STPG4: variants seen among roughly 807,000 people sequenced by gnomAD.
STPG4 encodes the protein sperm-tail PG-rich repeat containing 4.
Under a neutral mutation model 31.5 loss-of-function variants are expected in STPG4, and 41 were observed. That is an observed-to-expected ratio of 1.30 (90% CI 1.01 to 1.69). The LOEUF (loss-of-function observed/expected upper bound fraction) is 1.69. Among genes scored for constraint, STPG4 ranks in the 40% most tolerant of loss-of-function variants. STPG4 has a pLI of 0.00. For synonymous variants in STPG4, 141 were observed against 103.0 expected, an observed-to-expected ratio of 1.37 and a Z score of -2.24; for missense variants, 375 against 293.4, an observed-to-expected ratio of 1.28 and a Z score of -2.03.
At chr2:47,117,200 C>T (rs184849412) in intron 5 of STPG4, among the ~76,000 whole-genome samples, 98 of 152,152 alleles carry the variant, frequency 6.4e-4, no homozygotes, top group African/African-American at 1.7e-3. Context: ...AAAGAAGATG[C>T]ATGTGGTTTT....
At chr2:47,143,336 G>C (rs1355667379) in intron 3 of STPG4, among the ~76,000 whole-genome samples, 1 of 152,170 alleles carries the variant, frequency 6.6e-6, no homozygotes, top group Non-Finnish European at 1.5e-5. Flanking sequence ...GGGTATCAAT[G>C]TACAGTACTT....
chr2:47,118,832 G>A (rs1204711954), intron 5 of STPG4, among the ~76,000 whole-genome samples: 1 of 152,146 alleles, frequency 6.6e-6, no homozygotes, highest in Non-Finnish European at 1.5e-5. Context: ...GACACTAAAC[G>A]GGTGGTAGTC....
At chr2:47,149,701 T>C (rs1686899400) in intron 3 of STPG4, among the ~76,000 whole-genome samples, 1 of 152,234 alleles carries the variant, frequency 6.6e-6, no homozygotes, top group African/African-American at 2.4e-5. Context: ...TCTCAGGTTA[T>C]CACAATAATA....
At chr2:47,135,398 T>C (rs369842051) in intron 3 of STPG4, among the ~76,000 whole-genome samples, 1 of 152,280 alleles carries the variant, frequency 6.6e-6, no homozygotes, top group East Asian at 1.9e-4. Flanking sequence ...TTTTTATTTT[T>C]ATTTTGGAGG....
chr2:47,146,413 T>C (rs113466410), intron 3 of STPG4, among the ~76,000 whole-genome samples: 12 of 151,810 alleles, frequency 7.9e-5, no homozygotes, highest in African/African-American at 2.9e-4. Context: ...AAAACCAGGA[T>C]TAGACATACA....
intron 3 of STPG4, among the ~76,000 whole-genome samples, chr2:47,137,478 T>C (rs1686619191): frequency 6.6e-6 from 1 of 152,212 alleles, no homozygotes. Flanking sequence ...GGTATTATGA[T>C]GACACTGGCC....
intron 6 of STPG4, among the ~76,000 whole-genome samples, chr2:47,087,944 G>A (rs1273496634): frequency 1.3e-5 from 2 of 151,528 alleles, no homozygotes; most frequent in African/African-American, 2.4e-5. Context: ...TAGTAGAGAT[G>A]GGGTTTCACC....
intron 5 of STPG4, among the ~76,000 whole-genome samples, chr2:47,096,254 G>A (rs998765691): frequency 1.3e-5 from 2 of 152,118 alleles, no homozygotes; most frequent in Non-Finnish European, 2.9e-5. Flanking sequence ...GGATGTATAG[G>A]ATGCTATGGA....
intron 3 of STPG4, among the ~76,000 whole-genome samples, chr2:47,135,472 C>T (rs1471480507): frequency 2.0e-5 from 3 of 152,078 alleles, no homozygotes; most frequent in Non-Finnish European, 2.9e-5. Flanking sequence ...CTGCAACCTG[C>T]ACCTCCCAGG....
intron 5 of STPG4, among the ~76,000 whole-genome samples, chr2:47,093,344 G>A (rs72808551): frequency 0.096 from 14,660 of 152,196 alleles, 862 homozygotes; most frequent in Non-Finnish European, 0.12. Context: ...CTCTCTGTGT[G>A]GTGTGAATTC....
At chr2:47,100,820 T>G (rs147606072) in intron 5 of STPG4, among the ~76,000 whole-genome samples, 8,277 of 151,338 alleles carry the variant, frequency 0.055, 405 homozygotes, top group African/African-American at 0.11. Context: ...GAGCCAGTGA[T>G]ACCACGAACC....
At chr2:47,116,644 C>G (rs1232053355) in intron 5 of STPG4, among the ~76,000 whole-genome samples, 1 of 152,186 alleles carries the variant, frequency 6.6e-6, no homozygotes, top group Non-Finnish European at 1.5e-5. Flanking sequence ...CCTTTTCTTT[C>G]TCTCAGATAC....
At chr2:47,121,797 G>C (rs927754293) in intron 5 of STPG4, among the ~76,000 whole-genome samples, 6 of 151,652 alleles carry the variant, frequency 4.0e-5, no homozygotes, top group African/African-American at 1.5e-4. Flanking sequence ...TTCTTGACTT[G>C]TGGCTGCACC....
At chr2:47,099,231 C>T (rs1393574478) in intron 5 of STPG4, among the ~76,000 whole-genome samples, 1 of 73,698 alleles carries the variant, frequency 1.4e-5, no homozygotes, top group Non-Finnish European at 3.9e-5. Context: ...CCTCTGTTTT[C>T]TTAGGAGGCC....
intron 5 of STPG4, among the ~76,000 whole-genome samples, chr2:47,107,325 CCAG>C (rs1184616647): frequency 6.6e-6 from 1 of 152,132 alleles, no homozygotes. Flanking sequence ...TGCTTGCGGG[CCAG>C]CTGGAGTTCC....
At chr2:47,143,078 G>A (rs1264709520) in intron 3 of STPG4, among the ~76,000 whole-genome samples, 1 of 151,678 alleles carries the variant, frequency 6.6e-6, no homozygotes, top group African/African-American at 2.4e-5. Context: ...TGCCTGCCTC[G>A]GCCTCCCAAA....
chr2:47,089,124 A>T (rs923663198), intron 6 of STPG4, among the ~76,000 whole-genome samples: 1 of 152,218 alleles, frequency 6.6e-6, no homozygotes. Flanking sequence ...GTGAATGCTT[A>T]GAAGTTAACA....
At chr2:47,129,322 A>C (rs1212715602) in intron 5 of STPG4, 1 of 152,614 alleles carries the variant, frequency 6.6e-6, no homozygotes, top group Non-Finnish European at 1.5e-5. Flanking sequence ...CCCTAAGTCC[A>C]CTGCCTCTGA....
chr2:47,150,734 C>G (rs555522731), intron 3 of STPG4, among the ~76,000 whole-genome samples: 1 of 151,740 alleles, frequency 6.6e-6, no homozygotes, highest in Non-Finnish European at 1.5e-5. Context: ...ATCCTCCCAC[C>G]TCAGCTTCCA....
Sources: allele counts gnomAD v4.1 joint callset (sites outside exome capture counted in the v4.1 genomes callset), GRCh38; gene constraint gnomAD v4.1.1; transcripts MANE v1.5; gene names NCBI Gene and HGNC (gene_info 2026-07-23, HGNC 2026-07-21).